Variants in COL21A1 observed in about 807,000 individuals in gnomAD.
The protein encoded by COL21A1 is collagen type XXI alpha 1 chain.
In COL21A1, 149 loss-of-function variants were observed where a neutral mutation model predicts 137.9. The ratio of observed to expected loss-of-function variants is 1.08; its 90% confidence interval spans 0.95 to 1.24. The LOEUF is 1.24. COL21A1 is among the 50% of genes most tolerant of loss of function. COL21A1 has a pLI of 0.00. For missense variants in COL21A1, 1,167 were observed against 1,158.4 expected (o/e 1.01, Z -0.11); for synonymous variants, 456 against 391.5 (o/e 1.16, Z -1.95).
At chr6:56,301,170 A>AGAGACT (rs1055417639) in intron 1 of COL21A1, among the ~76,000 whole-genome samples, 2 of 152,154 alleles carry the variant, frequency 1.3e-5, no homozygotes, top group Non-Finnish European at 2.9e-5. Context: ...ACATGGCAAA[A>AGAGACT]GAGACTCTAA....
chr6:56,112,242 A>G (rs994886075), intron 16 of COL21A1, among the ~76,000 whole-genome samples: 1 of 152,194 alleles, frequency 6.6e-6, no homozygotes, highest in Non-Finnish European at 1.5e-5. Flanking sequence ...TGGGAAAAAA[A>G]TGAGACCTGA....
chr6:56,225,169 A>G (rs1054384837), intron 1 of COL21A1, among the ~76,000 whole-genome samples: 9 of 152,032 alleles, frequency 5.9e-5, no homozygotes, highest in African/African-American at 2.2e-4. Context: ...AAAGCCTTAA[A>G]ACATTTCATT....
At chr6:56,205,708 G>A (rs1333958113) in intron 1 of COL21A1, among the ~76,000 whole-genome samples, 1 of 152,108 alleles carries the variant, frequency 6.6e-6, no homozygotes, top group Admixed American at 6.5e-5. Context: ...TTGAAATGAA[G>A]GAAAAAATGT....
chr6:56,354,369 A>G (rs942119862), intron 1 of COL21A1, among the ~76,000 whole-genome samples: 3 of 152,220 alleles, frequency 2.0e-5, no homozygotes, highest in African/African-American at 7.2e-5. Flanking sequence ...TATTTCAATT[A>G]AAAATGTATC....
At chr6:56,170,517 A>G in intron 5 of COL21A1, 132 bp downstream of exon 5, 1 of 674,146 alleles carries the variant, frequency 1.5e-6, no homozygotes, top group South Asian at 2.1e-5. Flanking sequence ...TTCAACACAG[A>G]AACATTAAAA....
chr6:56,251,973 C>T (rs1782864839), upstream of COL21A1, among the ~76,000 whole-genome samples: 1 of 152,332 alleles, frequency 6.6e-6, no homozygotes, highest in African/African-American at 2.4e-5. Flanking sequence ...CCTCAGGAGA[C>T]AGAGAATTTG....
chr6:56,171,263 T>G (rs1777028555), intron 3 of COL21A1, 135 bp from the exon 4 acceptor site: 2 of 495,762 alleles, frequency 4.0e-6, no homozygotes, highest in Non-Finnish European at 6.9e-6. Context: ...TACAAATGTA[T>G]AGTATATAAA....
intron 1 of COL21A1, among the ~76,000 whole-genome samples, chr6:56,188,148 A>G (rs1778418741): frequency 6.6e-6 from 1 of 152,212 alleles, no homozygotes; most frequent in Non-Finnish European, 1.5e-5. Context: ...CAATGTTTAC[A>G]TGTATATGTG....
intron 1 of COL21A1, among the ~76,000 whole-genome samples, chr6:56,235,879 C>A (rs1215320346): frequency 6.6e-6 from 1 of 151,802 alleles, no homozygotes; most frequent in Non-Finnish European, 1.5e-5. Flanking sequence ...AGGCAAAATT[C>A]AAAAGAAATA....
At chr6:56,111,151 C>CAAAA (rs34644083) in intron 16 of COL21A1, among the ~76,000 whole-genome samples, 5 of 142,480 alleles carry the variant, frequency 3.5e-5, no homozygotes, top group Admixed American at 1.4e-4. Context: ...TATCCTTTTC[C>CAAAA]AAAAAAAAAA....
chr6:56,098,440 AATAT>A (rs1424499180), intron 17 of COL21A1, among the ~76,000 whole-genome samples: 1 of 5,250 alleles, frequency 1.9e-4, no homozygotes, highest in Non-Finnish European at 2.8e-4. Context: ...AATATATATA[AATAT>A]ATATATATAT....
rs1260435721 is a variant in COL21A1, at chr6:56,171,084, T to G, written c.685A>C (p.Arg229=). Residue 229 remains arginine, a synonymous_variant, in exon 4 of 30, where the codon AGG becomes CGG. Transcript: ENST00000244728. ...TRIPVAARDE[R]GFDILLGLDV... ...AAACCTAAAAGAATATCAAATCCCCTTTCATCACGAGCTGCCACTGGAATT... is the reference window on the plus strand; with the variant it reads ...AAACCTAAAAGAATATCAAATCCCCGTTCATCACGAGCTGCCACTGGAATT... 1 of 1,608,280 alleles carries G rather than the reference T, an allele frequency of 6.2e-7. No individual in the cohort carries two copies. Among genetic ancestry groups the G allele is most frequent in the Admixed American group, 1.7e-5 (1 of 58,986 alleles).
At chr6:56,070,702 A>T in intron 21 of COL21A1, 43 bp downstream of exon 21, 1 of 1,352,792 alleles carries the variant, frequency 7.4e-7, no homozygotes, top group Non-Finnish European at 1.0e-6. Context: ...GGGAATTTAC[A>T]TTATAATTTC....
intron 1 of COL21A1, among the ~76,000 whole-genome samples, chr6:56,269,760 G>A (rs1213087653): frequency 6.6e-6 from 1 of 151,690 alleles, no homozygotes; most frequent in Admixed American, 6.6e-5. Flanking sequence ...AGCCAGAAGA[G>A]GTTGAAGGTC....
At position 56,164,841 on chromosome 6, in the gene COL21A1, A is replaced by G. The variant is rs754422368; in HGVS notation, c.1279-19T>C. The G allele has an allele frequency of 6.6e-7, 1 of 1,514,274 alleles. No homozygotes were observed. The highest frequency in any genetic ancestry group is 1.2e-5 in the South Asian group (1 of 81,114). The allele number at this position is 1,514,274 out of a possible 1,614,324, so 93.8% of individuals were successfully genotyped here. A position where few individuals can be genotyped will look rare whatever the true frequency, so the allele number is the denominator to read the frequency against. On this transcript the variant is annotated intron_variant, in intron 7 of 29. Transcript: ENST00000244728. ...CTCCATTCTGAAAGAAAAACAACAAATGTGTTTTAAAATGTTTTAAATAAA... is the reference window on the plus strand; with the variant it reads ...CTCCATTCTGAAAGAAAAACAACAAGTGTGTTTTAAAATGTTTTAAATAAA...
At chr6:56,086,249 A>G (rs1768232578) in intron 17 of COL21A1, among the ~76,000 whole-genome samples, 1 of 152,042 alleles carries the variant, frequency 6.6e-6, no homozygotes, top group Non-Finnish European at 1.5e-5. Context: ...TAGGAGTTTT[A>G]ACCCACCACA....
intron 1 of COL21A1, among the ~76,000 whole-genome samples, chr6:56,294,880 A>C (rs1269660591): frequency 6.6e-6 from 1 of 152,042 alleles, no homozygotes; most frequent in Non-Finnish European, 1.5e-5. Flanking sequence ...TTTTTTTCCC[A>C]GTCAGTGGCT....
chr6:56,327,081 G>A (rs1765111967), intron 1 of COL21A1, among the ~76,000 whole-genome samples: 1 of 151,932 alleles, frequency 6.6e-6, no homozygotes, highest in Admixed American at 6.6e-5. Context: ...ATTTGTAGTA[G>A]ATGATGTAAA....
intron 7 of COL21A1, among the ~76,000 whole-genome samples, chr6:56,166,378 G>A (rs753065387): frequency 4.6e-5 from 7 of 152,130 alleles, no homozygotes; most frequent in Non-Finnish European, 7.4e-5. Flanking sequence ...CTGACAGGGC[G>A]TGGTGGCTCA....
Sources: gnomAD v4.1 joint callset for allele counts (sites outside exome capture counted in the v4.1 genomes callset) on GRCh38, gnomAD v4.1.1 for gene constraint, MANE v1.5 for transcripts, NCBI Gene and HGNC (gene_info 2026-07-23, HGNC 2026-07-21) for gene names.